Variants in SORBS2 observed in about 807,000 individuals in gnomAD.
SORBS2 encodes the protein sorbin and SH3 domain containing 2.
A neutral mutation model predicts 97.7 loss-of-function variants in SORBS2; 46 were observed. The ratio of observed to expected loss-of-function variants is 0.47; its 90% CI spans 0.37 to 0.60. The LOEUF (loss-of-function observed/expected upper bound fraction) is 0.60. Among genes scored for constraint, SORBS2 ranks in the 20% least tolerant of loss-of-function variants. The pLI, the probability that SORBS2 is intolerant of heterozygous loss-of-function variation, is 0.00. For synonymous variants in SORBS2, 476 were observed against 473.4 expected (o/e 1.01, Z -0.07); for missense variants, 1,316 against 1,282.3 (o/e 1.03, Z -0.40).
At chr4:185,597,879 A>G (rs919913401) in intron 12 of SORBS2, among the ~76,000 whole-genome samples, 1 of 152,188 alleles carries the variant, frequency 6.6e-6, no homozygotes, top group Non-Finnish European at 1.5e-5. Flanking sequence ...TTAAAAGCCT[A>G]TTTTAAAGGC....
intron 1 of SORBS2, among the ~76,000 whole-genome samples, chr4:185,831,922 A>G (rs948525619): frequency 2.0e-5 from 3 of 152,240 alleles, no homozygotes; most frequent in Admixed American, 6.5e-5. Flanking sequence ...AAATGGTGAA[A>G]GATTAAATGA....
At chr4:185,662,237 C>T (rs1377492065) in exon 5 of SORBS2, 1 of 1,606,782 alleles carries the variant, frequency 6.2e-7, no homozygotes, top group Admixed American at 1.7e-5. Flanking sequence ...TCACTGTTAT[C>T]TGGCTCTGAG....
chr4:185,795,787 T>G (rs937347307), intron 1 of SORBS2, among the ~76,000 whole-genome samples: 3 of 152,206 alleles, frequency 2.0e-5, no homozygotes, highest in African/African-American at 7.2e-5. Context: ...CATATCCACC[T>G]AAGTGTTCCA....
chr4:185,763,811 T>C (rs890488622), intron 2 of SORBS2, among the ~76,000 whole-genome samples: 1 of 152,218 alleles, frequency 6.6e-6, no homozygotes, highest in Non-Finnish European at 1.5e-5. Flanking sequence ...TTATTCAATA[T>C]TATCCATTTT....
chr4:185,943,757 AC>A (rs2099273220), intron 1 of SORBS2, among the ~76,000 whole-genome samples: 1 of 152,232 alleles, frequency 6.6e-6, no homozygotes, highest in Non-Finnish European at 1.5e-5. Flanking sequence ...ATATTAGAAA[AC>A]TATTAATTTT....
intron 1 of SORBS2, among the ~76,000 whole-genome samples, chr4:185,864,356 G>C (rs184242211): frequency 6.6e-6 from 1 of 152,148 alleles, no homozygotes; most frequent in Admixed American, 6.6e-5. Flanking sequence ...AGAATTAAAG[G>C]ACCACGTTTA....
At chr4:185,729,151 T>G (rs548391362) in intron 2 of SORBS2, among the ~76,000 whole-genome samples, 1 of 152,234 alleles carries the variant, frequency 6.6e-6, no homozygotes, top group Non-Finnish European at 1.5e-5. Context: ...GTCATAGAAA[T>G]TGCTTCTTAT....
At chr4:185,625,713 T>G (rs970910492) in intron 6 of SORBS2, among the ~76,000 whole-genome samples, 2 of 152,248 alleles carry the variant, frequency 1.3e-5, no homozygotes, top group African/African-American at 4.8e-5. Flanking sequence ...AGGAAAGATG[T>G]GATGGATGGG....
chr4:185,924,282 C>T (rs1322911740), intron 1 of SORBS2, among the ~76,000 whole-genome samples: 1 of 152,160 alleles, frequency 6.6e-6, no homozygotes, highest in Non-Finnish European at 1.5e-5. Context: ...CATTAGAGCA[C>T]AAGGAGGGAG....
intron 1 of SORBS2, among the ~76,000 whole-genome samples, chr4:185,934,175 A>G (rs762560065): frequency 1.2e-4 from 19 of 152,342 alleles, no homozygotes; most frequent in Non-Finnish European, 2.4e-4. Flanking sequence ...TTGTTGGATA[A>G]TATAGCAATT....
intron 2 of SORBS2, among the ~76,000 whole-genome samples, chr4:185,712,252 G>C (rs1318877640): frequency 6.6e-6 from 1 of 152,182 alleles, no homozygotes; most frequent in African/African-American, 2.4e-5. Context: ...ATGAATGTCA[G>C]AGAGAAGCAG....
At chr4:185,624,532 TGGA>T (rs771074270) in intron 6 of SORBS2, 38 bp from the exon 19 acceptor site, 2 of 1,551,418 alleles carry the variant, frequency 1.3e-6, no homozygotes, top group Non-Finnish European at 1.7e-6. Context: ...GAGAGACATT[TGGA>T]GAAGTTAAAA....
At chr4:185,593,698 C>A (rs1347088813) in intron 13 of SORBS2, 188 bp downstream of exon 25, 25 of 549,856 alleles carry the variant, frequency 4.5e-5, no homozygotes, top group Middle Eastern at 2.9e-4. Context: ...ACTATGGGTT[C>A]TTTTAAAAAT....
intron 1 of SORBS2, chr4:185,811,220 A>C (rs2099181878): frequency 6.6e-6 from 1 of 152,232 alleles, no homozygotes; most frequent in Admixed American, 6.5e-5. Flanking sequence ...AAGTGTGTAC[A>C]TAGCTGTGTT....
intron 1 of SORBS2, among the ~76,000 whole-genome samples, chr4:185,779,580 A>T (rs1364526421): frequency 1.3e-5 from 2 of 152,210 alleles, no homozygotes; most frequent in African/African-American, 4.8e-5. Context: ...CCAAGACAGC[A>T]CAGAATTCTC....
chr4:185,735,376 ATTT>A (rs71593648), intron 2 of SORBS2, among the ~76,000 whole-genome samples: 4 of 141,910 alleles, frequency 2.8e-5, no homozygotes, highest in Non-Finnish European at 4.6e-5. Context: ...AGAGTAAACT[ATTT>A]TTTTTTTTTT....
At chr4:185,672,823 C>T (rs2097732878) in intron 4 of SORBS2, among the ~76,000 whole-genome samples, 2 of 152,220 alleles carry the variant, frequency 1.3e-5, no homozygotes, top group South Asian at 2.1e-4. Flanking sequence ...GTATAGCTTA[C>T]AGTGCTTGGC....
chr4:185,803,390 C>A (rs1026995626), intron 1 of SORBS2, among the ~76,000 whole-genome samples: 1 of 152,064 alleles, frequency 6.6e-6, no homozygotes, highest in African/African-American at 2.4e-5. Flanking sequence ...GCTTAGGGTT[C>A]GAAATCATTA....
chr4:185,759,256 A>G (rs757456810), intron 2 of SORBS2, among the ~76,000 whole-genome samples: 9 of 152,220 alleles, frequency 5.9e-5, no homozygotes, highest in Non-Finnish European at 1.3e-4. Context: ...GTTAAAAATG[A>G]TTTCTGCCCA....
Sources: allele counts gnomAD v4.1 joint callset (sites outside exome capture counted in the v4.1 genomes callset), GRCh38; gene constraint gnomAD v4.1.1; transcripts MANE v1.5; gene names NCBI Gene and HGNC (gene_info 2026-07-23, HGNC 2026-07-21).